SLCO5A1: variants seen among roughly 807,000 people sequenced by gnomAD.
SLCO5A1 encodes organic anion transporter polypeptide-related protein 4.
SLCO5A1 carries 39 observed loss-of-function variants against 65.1 expected under a neutral mutation model. That is an observed-to-expected ratio of 0.60 (90% CI 0.46 to 0.78). The LOEUF is 0.78. Among genes scored for constraint, SLCO5A1 ranks in the 30% least tolerant of loss-of-function variants. The pLI, the probability that SLCO5A1 is intolerant of heterozygous loss-of-function variation, is 0.00. For missense variants in SLCO5A1, 1,029 were observed against 1,069.4 expected, an observed-to-expected ratio of 0.96 and a Z score of 0.53; for synonymous variants, 438 against 415.7, an observed-to-expected ratio of 1.05 and a Z score of -0.65.
intron 8 of SLCO5A1, 58 bp from the exon 9 acceptor site, chr8:69,676,731 GT>G (rs1813564926): frequency 6.8e-7 from 1 of 1,479,862 alleles, no homozygotes; most frequent in South Asian, 1.2e-5. Flanking sequence ...GAAAATGAAT[GT>G]CAAATCAAGT....
At chr8:69,816,722 T>C (rs2130915901) in intron 2 of SLCO5A1, among the ~76,000 whole-genome samples, 1 of 152,322 alleles carries the variant, frequency 6.6e-6, no homozygotes, top group South Asian at 2.1e-4. Context: ...ACTTTCCCTT[T>C]ATTTTTCTCT....
intron 2 of SLCO5A1, among the ~76,000 whole-genome samples, chr8:69,795,881 T>A (rs1223164792): frequency 6.6e-6 from 1 of 152,182 alleles, no homozygotes; most frequent in African/African-American, 2.4e-5. Flanking sequence ...AAGCCTCAGC[T>A]CTTGTGCTCT....
intron 2 of SLCO5A1, among the ~76,000 whole-genome samples, chr8:69,774,209 C>T (rs773718513): frequency 2.6e-5 from 4 of 152,208 alleles, no homozygotes; most frequent in African/African-American, 9.6e-5. Context: ...TTCGTCCTTA[C>T]ATCAGAGCCT....
chr8:69,684,922 G>A (rs1012428254), intron 6 of SLCO5A1, among the ~76,000 whole-genome samples: 1 of 152,172 alleles, frequency 6.6e-6, no homozygotes, highest in Non-Finnish European at 1.5e-5. Flanking sequence ...TGCTGAGGAT[G>A]AGACACTCTG....
chr8:69,818,484 G>C (rs1042069488), intron 2 of SLCO5A1, among the ~76,000 whole-genome samples: 7 of 152,150 alleles, frequency 4.6e-5, no homozygotes, highest in African/African-American at 1.4e-4. Flanking sequence ...GTTTCAGAAG[G>C]ACTGTTTCAG....
At chr8:69,711,362 G>T (rs1201221811) in intron 5 of SLCO5A1, among the ~76,000 whole-genome samples, 1 of 152,106 alleles carries the variant, frequency 6.6e-6, no homozygotes, top group Non-Finnish European at 1.5e-5. Flanking sequence ...ACCCTGCCGC[G>T]TTCCCAGCCT....
At chr8:69,793,214 C>T (rs890540407) in intron 2 of SLCO5A1, among the ~76,000 whole-genome samples, 3 of 152,116 alleles carry the variant, frequency 2.0e-5, no homozygotes, top group African/African-American at 7.2e-5. Flanking sequence ...ACACTCCTGA[C>T]CTCAAGTGAT....
intron 2 of SLCO5A1, among the ~76,000 whole-genome samples, chr8:69,771,993 G>A (rs1217463370): frequency 6.6e-6 from 1 of 152,168 alleles, no homozygotes; most frequent in Non-Finnish European, 1.5e-5. Flanking sequence ...CTCTAGAGAT[G>A]GGGAGAAATT....
At chr8:69,777,576 AC>A (rs1818613728) in intron 2 of SLCO5A1, among the ~76,000 whole-genome samples, 1 of 152,138 alleles carries the variant, frequency 6.6e-6, no homozygotes, top group Admixed American at 6.5e-5. Context: ...TATAACAATT[AC>A]CCACAGCCAA....
chr8:69,802,893 C>T (rs1012481980), intron 2 of SLCO5A1, among the ~76,000 whole-genome samples: 9 of 152,160 alleles, frequency 5.9e-5, no homozygotes, highest in African/African-American at 9.7e-5. Flanking sequence ...CTCCCAGAGG[C>T]GAGAACTTCA....
chr8:69,693,567 C>T (rs1416215523), intron 6 of SLCO5A1, among the ~76,000 whole-genome samples: 3 of 152,142 alleles, frequency 2.0e-5, no homozygotes, highest in African/African-American at 7.2e-5. Context: ...TGCAGCATTG[C>T]ATCCAGAACC....
chr8:69,729,147 A>G (rs553792731), intron 5 of SLCO5A1, among the ~76,000 whole-genome samples: 21 of 152,320 alleles, frequency 1.4e-4, no homozygotes, highest in African/African-American at 5.1e-4. Flanking sequence ...TGGAGCATCA[A>G]AAAGAATGAT....
At chr8:69,735,778 C>T (rs1292809437) in intron 5 of SLCO5A1, among the ~76,000 whole-genome samples, 2 of 152,226 alleles carry the variant, frequency 1.3e-5, no homozygotes, top group East Asian at 1.9e-4. Context: ...ACACGTTTAC[C>T]TATGTAACAA....
At chr8:69,760,457 A>T (rs1817719668) in intron 3 of SLCO5A1, among the ~76,000 whole-genome samples, 1 of 152,088 alleles carries the variant, frequency 6.6e-6, no homozygotes, top group South Asian at 2.1e-4. Context: ...ATTCCTACCA[A>T]CCTCGGAGTT....
At chr8:69,764,725 A>T (rs1230544005) in intron 2 of SLCO5A1, among the ~76,000 whole-genome samples, 1 of 152,228 alleles carries the variant, frequency 6.6e-6, no homozygotes. Context: ...GACAACACTT[A>T]TGTTTCCACC....
intron 5 of SLCO5A1, among the ~76,000 whole-genome samples, chr8:69,728,291 G>A (rs1472999730): frequency 6.6e-6 from 1 of 152,096 alleles, no homozygotes; most frequent in Non-Finnish European, 1.5e-5. Flanking sequence ...GTTTTAAATG[G>A]CTTCCTATAG....
Position 69,668,009 on chromosome 8 carries a change from G to A in SLCO5A1, c.*4860C>T, listed in dbSNP as rs1193888955. ...GAATTCAGTGGCGCTTTTTAGTGGT[G>A]AACATGCGTCATTAAATACTTTTTA... On this transcript the variant is annotated 3_prime_UTR_variant, in exon 10 of 10. Transcript: ENST00000260126. 1.3e-5 allele frequency: 2 copies of A among 152,204 alleles called. No individual in the cohort carries two copies. The highest frequency in any genetic ancestry group is 2.9e-5 in the Non-Finnish European group (2 of 68,040). 9.4% of individuals were successfully genotyped at this position (152,204 alleles called of 1,614,324 possible).
At chr8:69,731,890 G>C (rs569980119) in intron 5 of SLCO5A1, among the ~76,000 whole-genome samples, 1 of 150,708 alleles carries the variant, frequency 6.6e-6, no homozygotes, top group East Asian at 2.0e-4. Flanking sequence ...CTTGGAAATG[G>C]CCAGTGATAG....
chr8:69,689,417 G>C (rs10957502), intron 6 of SLCO5A1, among the ~76,000 whole-genome samples: 29,053 of 75,892 alleles, frequency 0.38, 7,702 homozygotes, highest in African/African-American at 0.63. Context: ...CTTGCCCATG[G>C]CTATGTCCTG....
Sources: allele counts gnomAD v4.1 joint callset (sites outside exome capture counted in the v4.1 genomes callset), GRCh38; gene constraint gnomAD v4.1.1; transcripts MANE v1.5; gene names NCBI Gene and HGNC (gene_info 2026-07-23, HGNC 2026-07-21).